C12orf42: variants seen among roughly 807,000 people sequenced by gnomAD.
The protein encoded by C12orf42 is uncharacterized protein C12orf42.
A neutral mutation model predicts 21.6 loss-of-function variants in C12orf42; 25 were observed. The ratio of observed to expected loss-of-function variants is 1.16; its 90% CI spans 0.84 to 1.62. The LOEUF (loss-of-function observed/expected upper bound fraction) is 1.62, where lower values mean the gene tolerates loss of function less well. Among genes scored for constraint, C12orf42 ranks in the 40% most tolerant of loss-of-function variants. The pLI is 0.00. For missense variants in C12orf42, 483 were observed against 459.3 expected, an observed-to-expected ratio of 1.05 and a Z score of -0.47; for synonymous variants, 174 against 175.0, an observed-to-expected ratio of 0.99 and a Z score of 0.05.
chr12:103,448,994 C>T (rs552589860), intron 2 of C12orf42, among the ~76,000 whole-genome samples: 10 of 152,048 alleles, frequency 6.6e-5, no homozygotes, highest in African/African-American at 2.2e-4. Context: ...TACTTGCACA[C>T]ACATGTTTAT....
chr12:103,360,348 A>C (rs1478843597), intron 4 of C12orf42, among the ~76,000 whole-genome samples: 1 of 151,608 alleles, frequency 6.6e-6, no homozygotes, highest in Non-Finnish European at 1.5e-5. Flanking sequence ...CATCTGTCCT[A>C]AGGATGACTC....
At chr12:103,089,236 G>A in the C12orf42 span, among the ~76,000 whole-genome samples, 1 of 151,472 alleles carries the variant, frequency 6.6e-6, no homozygotes, top group African/African-American at 2.4e-5. Flanking sequence ...AACCTCATGA[G>A]AGACCCTGAG....
the C12orf42 span, among the ~76,000 whole-genome samples, chr12:103,146,906 A>C: frequency 6.6e-6 from 1 of 152,202 alleles, no homozygotes; most frequent in Admixed American, 6.6e-5. Flanking sequence ...AAACTCCTGC[A>C]TTTTGACAAA....
the C12orf42 span, among the ~76,000 whole-genome samples, chr12:103,556,450 A>G: frequency 6.6e-6 from 1 of 152,208 alleles, no homozygotes; most frequent in Admixed American, 6.6e-5. Context: ...ATAATTCTTC[A>G]GGAAGTTGGC....
intron 4 of C12orf42, among the ~76,000 whole-genome samples, chr12:103,349,607 T>C (rs1003920391): frequency 6.6e-6 from 1 of 152,122 alleles, no homozygotes; most frequent in Non-Finnish European, 1.5e-5. Flanking sequence ...AAAGAAAAAC[T>C]GTGTAAGTAT....
intron 10 of C12orf42, among the ~76,000 whole-genome samples, chr12:103,258,302 A>C (rs1365727426): frequency 1.3e-5 from 2 of 152,142 alleles, no homozygotes; most frequent in Non-Finnish European, 2.9e-5. Flanking sequence ...GTGATCATAT[A>C]GATATCGTAA....
At chr12:103,090,280 C>T in the C12orf42 span, among the ~76,000 whole-genome samples, 1 of 152,102 alleles carries the variant, frequency 6.6e-6, no homozygotes, top group African/African-American at 2.4e-5. Context: ...AAGTGAATGG[C>T]TATGGCACCT....
chr12:103,166,809 T>A, the C12orf42 span, among the ~76,000 whole-genome samples: 2 of 152,226 alleles, frequency 1.3e-5, no homozygotes, highest in Non-Finnish European at 2.9e-5. Flanking sequence ...ATTAACTTCT[T>A]AAGGCAAAAT....
chr12:103,134,275 A>G, the C12orf42 span, among the ~76,000 whole-genome samples: 1 of 152,226 alleles, frequency 6.6e-6, no homozygotes, highest in Non-Finnish European at 1.5e-5. Flanking sequence ...AAAGAAATTT[A>G]TGGAGTCCCA....
At chr12:103,220,779 G>C in the C12orf42 span, among the ~76,000 whole-genome samples, 1 of 152,264 alleles carries the variant, frequency 6.6e-6, no homozygotes, top group East Asian at 1.9e-4. Flanking sequence ...CTGTGGCTGA[G>C]GGAGGAGGAG....
chr12:103,482,707 T>G (rs1026870359), intron 1 of C12orf42, among the ~76,000 whole-genome samples: 2 of 152,166 alleles, frequency 1.3e-5, no homozygotes. Context: ...TCAACTTATG[T>G]TTCTATTATC....
the C12orf42 span, among the ~76,000 whole-genome samples, chr12:103,085,541 ATT>A: frequency 7.1e-3 from 1,011 of 143,316 alleles, 14 homozygotes; most frequent in African/African-American, 0.024. Context: ...GAATGAAAAG[ATT>A]TTTTTTTTTT....
At chr12:103,198,909 G>A in the C12orf42 span, among the ~76,000 whole-genome samples, 1 of 152,174 alleles carries the variant, frequency 6.6e-6, no homozygotes, top group South Asian at 2.1e-4. Flanking sequence ...GGTGGGGGCA[G>A]CTCTTCCTGG....
At chr12:103,235,557 A>T (rs920328174), downstream of C12orf42, among the ~76,000 whole-genome samples, 1 of 152,194 alleles carries the variant, frequency 6.6e-6, no homozygotes, top group African/African-American at 2.4e-5. Context: ...CTTATGATTT[A>T]TAATAAAATC....
chr12:103,466,917 G>C (rs1182281374), intron 2 of C12orf42, among the ~76,000 whole-genome samples: 3 of 152,216 alleles, frequency 2.0e-5, no homozygotes, highest in South Asian at 2.1e-4. Context: ...AGACAGAGCA[G>C]AGCCAAGTCA....
the C12orf42 span, among the ~76,000 whole-genome samples, chr12:103,512,632 A>G: frequency 6.6e-6 from 1 of 152,206 alleles, no homozygotes; most frequent in Non-Finnish European, 1.5e-5. Context: ...AACATGACCC[A>G]TATGGTGTGC....
the C12orf42 span, among the ~76,000 whole-genome samples, chr12:103,212,610 T>A: frequency 1.3e-5 from 2 of 152,200 alleles, no homozygotes; most frequent in Non-Finnish European, 2.9e-5. Context: ...CATCTGTTTG[T>A]CTCTCTTTTT....
At chr12:103,254,423 G>A (rs2034453738) in intron 10 of C12orf42, among the ~76,000 whole-genome samples, 1 of 152,144 alleles carries the variant, frequency 6.6e-6, no homozygotes, top group African/African-American at 2.4e-5. Flanking sequence ...TCAGGATGAT[G>A]CTGGCCTCTG....
the C12orf42 span, among the ~76,000 whole-genome samples, chr12:103,546,906 G>T: frequency 6.6e-6 from 1 of 152,166 alleles, no homozygotes; most frequent in African/African-American, 2.4e-5. Flanking sequence ...CGGAGATGAT[G>T]AACAGGCCTT....
Sources: allele counts gnomAD v4.1 joint callset (sites outside exome capture counted in the v4.1 genomes callset), GRCh38; gene constraint gnomAD v4.1.1; transcripts MANE v1.5; gene names NCBI Gene and HGNC (gene_info 2026-07-23, HGNC 2026-07-21).